CPEB3: variants seen among roughly 807,000 people sequenced by gnomAD.
CPEB3 encodes the protein cytoplasmic polyadenylation element binding protein 3.
A neutral mutation model predicts 67.2 loss-of-function variants in CPEB3; 20 were observed. That is an observed-to-expected ratio of 0.30 (90% CI 0.21 to 0.43). The LOEUF (loss-of-function observed/expected upper bound fraction) is 0.43. Ranked by LOEUF, CPEB3 falls within the 20% of genes least tolerant of loss-of-function variation. CPEB3 has a pLI of 1.00. For missense variants in CPEB3, 746 were observed against 968.6 expected, an observed-to-expected ratio of 0.77 and a Z score of 3.05; for synonymous variants, 376 against 393.1, an observed-to-expected ratio of 0.96 and a Z score of 0.51.
At chr10:92,176,580 GCTTTT>G (rs1848228801) in intron 4 of CPEB3, among the ~76,000 whole-genome samples, 1 of 152,206 alleles carries the variant, frequency 6.6e-6, no homozygotes, top group Non-Finnish European at 1.5e-5. Flanking sequence ...CCCAGTTTCT[GCTTTT>G]GTACCTATCA....
chr10:92,074,657 A>G (rs542089608), intron 9 of CPEB3, among the ~76,000 whole-genome samples: 1 of 152,170 alleles, frequency 6.6e-6, no homozygotes, highest in African/African-American at 2.4e-5. Context: ...AGGAAGGGAG[A>G]AGTGAGTGGT....
At chr10:92,283,947 C>T (rs1303034484) in intron 1 of CPEB3, among the ~76,000 whole-genome samples, 2 of 151,194 alleles carry the variant, frequency 1.3e-5, no homozygotes, top group South Asian at 2.1e-4. Context: ...AGGGTGGTCG[C>T]GAACTCCTGA....
chr10:92,120,139 G>A (rs1015108893), intron 6 of CPEB3, among the ~76,000 whole-genome samples: 12 of 124,780 alleles, frequency 9.6e-5, no homozygotes, highest in South Asian at 2.3e-4. Flanking sequence ...CGCCGGGTGC[G>A]GTGGCTCACA....
At chr10:92,137,318 T>C in intron 6 of CPEB3, 2 of 735,044 alleles carry the variant, frequency 2.7e-6, no homozygotes. Context: ...CATATCATCG[T>C]GGGTACCCCT....
At chr10:92,199,476 A>G (rs889928221) in intron 2 of CPEB3, among the ~76,000 whole-genome samples, 1 of 151,546 alleles carries the variant, frequency 6.6e-6, no homozygotes, top group South Asian at 2.1e-4. Flanking sequence ...GTAGATCAAG[A>G]GGTCAGGAGT....
rs916888525 is a variant in CPEB3 at position 92,142,962 on chromosome 10, G to A, written c.1453+67C>T. ...CAGCTATTTCAAGAGTTAAAAGGCT[G>A]CCTTTTATTGAACTGTCATGCTATC... On this transcript the variant is annotated intron_variant, in intron 6 of 9. Coordinates refer to ENST00000265997, the MANE Select transcript of CPEB3 (RefSeq NM_014912.5). 4.6e-6 allele frequency: 5 copies of A among 1,096,984 alleles called. No homozygotes were observed. In the South Asian group the frequency reaches 7.0e-5, roughly 15 times the overall value. 68.0% of individuals were successfully genotyped at this position (1,096,984 alleles called of 1,614,324 possible).
chr10:92,053,263 G>A (rs901651002), intron 9 of CPEB3, among the ~76,000 whole-genome samples: 1 of 152,084 alleles, frequency 6.6e-6, no homozygotes, highest in African/African-American at 2.4e-5. Context: ...AAGCAAAGCT[G>A]CATGACTGAA....
intron 8 of CPEB3, among the ~76,000 whole-genome samples, chr10:92,089,710 G>A (rs1371650614): frequency 6.6e-6 from 1 of 152,086 alleles, no homozygotes; most frequent in African/African-American, 2.4e-5. Context: ...TTGAACCCGG[G>A]AGGTGGAGGT....
At chr10:92,133,125 A>T (rs1845922756) in intron 6 of CPEB3, among the ~76,000 whole-genome samples, 1 of 152,202 alleles carries the variant, frequency 6.6e-6, no homozygotes, top group Non-Finnish European at 1.5e-5. Context: ...AGCAAGAGCA[A>T]ACAAATTCAA....
chr10:92,245,562 C>A (rs1852024436), intron 1 of CPEB3, among the ~76,000 whole-genome samples: 1 of 152,130 alleles, frequency 6.6e-6, no homozygotes, highest in South Asian at 2.1e-4. Flanking sequence ...TGTAATGTGA[C>A]CTTAGCTTAT....
chr10:92,080,104 G>A (rs1185632379), intron 9 of CPEB3, among the ~76,000 whole-genome samples: 1 of 151,806 alleles, frequency 6.6e-6, no homozygotes, highest in African/African-American at 2.4e-5. Context: ...TTACTCGGGA[G>A]GCTGAGGCAG....
At chr10:92,208,616 C>A (rs1165419798) in intron 2 of CPEB3, among the ~76,000 whole-genome samples, 1 of 146,118 alleles carries the variant, frequency 6.8e-6, no homozygotes. Flanking sequence ...TTTTTTAAGG[C>A]AGAGTCTCAC....
chr10:92,208,787 G>A (rs773515831), intron 2 of CPEB3, among the ~76,000 whole-genome samples: 1 of 151,898 alleles, frequency 6.6e-6, no homozygotes, highest in Non-Finnish European at 1.5e-5. Context: ...TAGAGACGGG[G>A]TTTCACCACG....
At chr10:92,173,899 T>A (rs1177046250) in intron 4 of CPEB3, among the ~76,000 whole-genome samples, 1 of 152,240 alleles carries the variant, frequency 6.6e-6, no homozygotes, top group Admixed American at 6.5e-5. Flanking sequence ...AACCATATAT[T>A]AGTTTTATTT....
intron 6 of CPEB3, among the ~76,000 whole-genome samples, chr10:92,126,695 ACCAATC>A (rs1439215532): frequency 6.6e-6 from 1 of 152,198 alleles, no homozygotes; most frequent in Admixed American, 6.5e-5. Flanking sequence ...CTCCTTTTCC[ACCAATC>A]ATACAGAGGA....
chr10:92,225,944 A>C (rs1850949638), intron 2 of CPEB3, among the ~76,000 whole-genome samples: 1 of 152,192 alleles, frequency 6.6e-6, no homozygotes, highest in Non-Finnish European at 1.5e-5. Flanking sequence ...TGAAAATACA[A>C]AAATTAGCCG....
At chr10:92,135,677 T>G (rs1049068430) in intron 6 of CPEB3, among the ~76,000 whole-genome samples, 2 of 151,984 alleles carry the variant, frequency 1.3e-5, no homozygotes, top group Admixed American at 6.6e-5. Flanking sequence ...GCCCAAAGGA[T>G]TATAAATCAT....
In CPEB3 at chr10:92,080,508, C is replaced by G. The variant is rs569844090; in HGVS notation, c.1869+812G>C. On this transcript the variant is annotated intron_variant, in intron 9 of 9. Transcript: ENST00000265997. ...AAGGCATGTGCATATATGGTGGAAG[C>G]AGGAGAAACAGAATGAGTTGAAGAG... is the stretch of plus-strand genomic sequence containing the variant. Among the ~76,000 whole-genome samples, 6 of 152,102 alleles carry G rather than the reference C, an allele frequency of 3.9e-5. No individual in the cohort carries two copies. In the South Asian group the frequency reaches 1.2e-3, roughly 32 times the overall value.
chr10:92,109,966 A>G (rs904779077), intron 7 of CPEB3, among the ~76,000 whole-genome samples: 4 of 152,110 alleles, frequency 2.6e-5, no homozygotes, highest in African/African-American at 9.7e-5. Flanking sequence ...CAAGTATCTG[A>G]CCTCTACCAA....
Sources: gnomAD v4.1 joint callset for allele counts (sites outside exome capture counted in the v4.1 genomes callset) on GRCh38, gnomAD v4.1.1 for gene constraint, MANE v1.5 for transcripts, NCBI Gene and HGNC (gene_info 2026-07-23, HGNC 2026-07-21) for gene names.